The following AP2A1 variants were observed in gnomAD, a reference collection of about 807,000 sequenced individuals.
AP2A1 encodes the protein adaptor related protein complex 2 subunit alpha 1, also known as AP-2 complex subunit alpha-1.
Under a neutral mutation model 107.3 loss-of-function variants are expected in AP2A1, and 21 were observed. The ratio of observed to expected loss-of-function variants is 0.20; its 90% CI spans 0.14 to 0.28. AP2A1 has a LOEUF of 0.28. Among genes scored for constraint, AP2A1 ranks in the 10% least tolerant of loss-of-function variants. AP2A1 has a pLI of 1.00. For synonymous variants in AP2A1, 602 were observed against 564.8 expected, an observed-to-expected ratio of 1.07 and a Z score of -0.93; for missense variants, 873 against 1,307.7, an observed-to-expected ratio of 0.67 and a Z score of 5.13.
In AP2A1 at chr19:49,805,671, G is replaced by GC. The variant is rs1555794627; in HGVS notation, c.2485dup (p.Gln829ProfsTer55). ...CTTTCACCTCATCAGGTACGGTGGC[G>GC]CCCCCCAGGCCCTCACCCTGAAGCT... On this transcript the variant is annotated frameshift_variant, in exon 20 of 23. Transcript: ENST00000354293. LOFTEE classifies it high-confidence loss of function. 1 of 1,561,560 alleles carries GC rather than the reference G, an allele frequency of 6.4e-7. No individual in the cohort carries two copies.
At chr19:49,782,756 G>A in intron 4 of AP2A1, 32 bp downstream of exon 4, 1 of 1,558,752 alleles carries the variant, frequency 6.4e-7, no homozygotes, top group Non-Finnish European at 8.6e-7. Flanking sequence ...GGCAGTGGGG[G>A]GCCTGGGGGT....
chr19:49,778,578 C>T lies in AP2A1; in HGVS notation c.68-3179C>T, dbSNP rs764530449. Among the ~76,000 whole-genome samples the T allele has an allele frequency of 7.9e-5, 12 of 151,974 alleles. No individual in the cohort carries two copies. In the South Asian group the frequency reaches 8.3e-4, roughly 11 times the overall value. ...AGCCTGGGCGACAAGAGTGAAACTG[C>T]GTCTCAAGATAAAACAAAAAAACCT... On this transcript the variant is annotated intron_variant, in intron 1 of 22. Coordinates refer to ENST00000354293, the MANE Select transcript of AP2A1 (RefSeq NM_130787.3).
At position 49,800,003 on chromosome 19, in the gene AP2A1, C is replaced by G; in HGVS notation, c.1308C>G (p.Ala436=). ...LKVAILAEKY[A]VDYSWYVDTI... ...TGGCCATCCTGGCCGAGAAGTACGC[C>G]GTGGACTACAGCTGGTACGTGGACA... The change falls in exon 11 of 23, where the codon GCC becomes GCG. Residue 436 remains alanine (A), a synonymous_variant. Transcript: ENST00000354293. 6.2e-7 allele frequency: 1 copy of G among 1,613,994 alleles called. No individual in the cohort carries two copies. The highest frequency in any genetic ancestry group is 1.1e-5 in the South Asian group (1 of 91,090).
intron 1 of AP2A1, among the ~76,000 whole-genome samples, chr19:49,780,293 A>C (rs540478673): frequency 4.6e-5 from 7 of 152,246 alleles, no homozygotes; most frequent in Non-Finnish European, 1.0e-4. Flanking sequence ...TTTAAGCAGA[A>C]TAATAAAGAA....
Position 49,806,240 on chromosome 19 carries a change from A to G in AP2A1, c.2777A>G (p.Asn926Ser), listed in dbSNP as rs1344990885. 2 of 1,607,536 alleles carry G rather than the reference A, an allele frequency of 1.2e-6. No homozygotes were observed. The highest frequency in any genetic ancestry group is 1.7e-6 in the Non-Finnish European group (2 of 1,177,492). The change falls in exon 22 of 23, where the codon AAT becomes AGT. Residue 926 changes from asparagine (N) to serine (S), a missense_variant. Asn to Ser is a conservative substitution (Grantham distance 46). Transcript: ENST00000354293. ...QVGCLLRLEP[N>S]AQAQMYRLTL... The stretch of plus-strand genomic sequence containing the variant: ...GGCTGTCTGCTTCGGCTGGAGCCCA[A>G]TGCCCAGGCCCAGGTGAGTGCTGCT...
chr19:49,806,991 G>C lies in AP2A1; in HGVS notation c.*233G>C, dbSNP rs892935956. ...TCCCTTTCCCCCCCAAGCACAGAGG[G>C]GAGAGGGGCCAGGGAAGTGGATGTC... On this transcript the variant is annotated 3_prime_UTR_variant, in exon 23 of 23. Coordinates refer to ENST00000354293, the MANE Select transcript of AP2A1 (RefSeq NM_130787.3). 2.7e-5 allele frequency: 42 copies of C among 1,528,558 alleles called. No homozygotes were observed. Among genetic ancestry groups the C allele is most frequent in the Non-Finnish European group, 3.5e-5 (40 of 1,143,326 alleles). The allele number at this position is 1,528,558 out of a possible 1,614,324, so 94.7% of individuals were successfully genotyped here. A position where few individuals can be genotyped will look rare whatever the true frequency, so the allele number is the denominator to read the frequency against.
chr19:49,802,208 T>A, intron 15 of AP2A1, 67 bp downstream of exon 15: 1 of 1,297,952 alleles, frequency 7.7e-7, no homozygotes, highest in East Asian at 2.5e-5. Context: ...TCGGCCTCTG[T>A]CCCCGTTTTC....
chr19:49,771,014 G>C (rs931284448), intron 1 of AP2A1, among the ~76,000 whole-genome samples: 4 of 151,986 alleles, frequency 2.6e-5, no homozygotes, highest in African/African-American at 9.7e-5. Context: ...ACCACACCTG[G>C]CTAATTTTTG....
intron 4 of AP2A1, among the ~76,000 whole-genome samples, chr19:49,791,025 C>T (rs1006144878): frequency 3.3e-5 from 5 of 152,208 alleles, no homozygotes; most frequent in Non-Finnish European, 5.9e-5. Context: ...GGGTCTGGCT[C>T]TCTGTTCCCT....
chr19:49,781,651 G>A (rs1041890246), intron 1 of AP2A1, 106 bp from the exon 2 acceptor site: 26 of 1,173,708 alleles, frequency 2.2e-5, no homozygotes, highest in African/African-American at 6.1e-5. Flanking sequence ...GCTTGGGGGC[G>A]GAGAAGATCT....
At position 49,767,046 on chromosome 19, in the gene AP2A1, TG is replaced by T; in HGVS notation, c.-84del. 7.2e-7 allele frequency: 1 copy of T among 1,387,790 alleles called. No individual in the cohort carries two copies. The highest frequency in any genetic ancestry group is 9.6e-7 in the Non-Finnish European group (1 of 1,038,058). The allele number at this position is 1,387,790 out of a possible 1,614,324, so 86.0% of individuals were successfully genotyped here. On this transcript the variant is annotated 5_prime_UTR_variant, in exon 1 of 23. Transcript: ENST00000354293. Reference sequence around the variant, plus strand: ...GCCGGCTCGGCTCCTTGGCGCTGCCTGGGGTCCTTTCCGCCCGGTCCCCGCT... The same window carrying T: ...GCCGGCTCGGCTCCTTGGCGCTGCCTGGGTCCTTTCCGCCCGGTCCCCGCT...
chr19:49,784,150 G>A (rs944047396), intron 4 of AP2A1, among the ~76,000 whole-genome samples: 3 of 152,218 alleles, frequency 2.0e-5, no homozygotes, highest in Non-Finnish European at 4.4e-5. Flanking sequence ...ACAGAAGGCC[G>A]GGCGTGGTGC....
intron 7 of AP2A1, 91 bp downstream of exon 7, chr19:49,795,829 G>A (rs1301185666): frequency 4.5e-5 from 45 of 1,007,022 alleles, no homozygotes; most frequent in Non-Finnish European, 6.1e-5. Context: ...TGGGACTGGA[G>A]GGTCTGGGTC....
chr19:49,805,835 C>A (rs757744457), intron 20 of AP2A1, 37 bp from the exon 21 acceptor site: 3 of 1,612,982 alleles, frequency 1.9e-6, no homozygotes, highest in South Asian at 1.1e-5. Flanking sequence ...CGGGTCGGGC[C>A]GTCCAGGTCC....
chr19:49,782,428 G>C, intron 3 of AP2A1, 103 bp from the exon 4 acceptor site: 1 of 1,305,548 alleles, frequency 7.7e-7, no homozygotes, highest in Non-Finnish European at 1.0e-6. Flanking sequence ...TGGACTCCTG[G>C]GTCTGAGGTT....
intron 18 of AP2A1, chr19:49,803,770 G>A (rs145999354): frequency 8.7e-4 from 271 of 312,004 alleles, no homozygotes; most frequent in African/African-American, 5.5e-3. Flanking sequence ...TGCCTCTCTG[G>A]GCTCTCCTGT....
intron 4 of AP2A1, among the ~76,000 whole-genome samples, chr19:49,784,925 G>T (rs1328582990): frequency 1.3e-5 from 2 of 152,124 alleles, no homozygotes; most frequent in East Asian, 3.8e-4. Flanking sequence ...TAAAAATTAG[G>T]TGTCTGAATT....
At chr19:49,792,493 C>T (rs1427042515) in intron 5 of AP2A1, among the ~76,000 whole-genome samples, 3 of 151,956 alleles carry the variant, frequency 2.0e-5, no homozygotes, top group Admixed American at 6.5e-5. Flanking sequence ...CCAGTGTCCC[C>T]GGTACTCATT....
Position 49,801,507 on chromosome 19 carries a change from C to G in AP2A1, c.1671C>G (p.Ala557=). Residue 557 remains alanine, a synonymous_variant, in exon 13 of 23, where the codon GCC becomes GCG. Coordinates refer to ENST00000354293, the MANE Select transcript of AP2A1 (RefSeq NM_130787.3). ...KFINLFPETK[A]TIQGVLRAGS... ...TCAACCTCTTCCCCGAGACCAAGGCCACCATCCAGGGCGTCCTGCGGGCCG... is the reference window on the plus strand; with the variant it reads ...TCAACCTCTTCCCCGAGACCAAGGCGACCATCCAGGGCGTCCTGCGGGCCG... The G allele has an allele frequency of 6.2e-7, 1 of 1,613,788 alleles. No individual in the cohort carries two copies. The highest frequency in any genetic ancestry group is 8.5e-7 in the Non-Finnish European group (1 of 1,179,846).
Sources: gnomAD v4.1 joint callset for allele counts (sites outside exome capture counted in the v4.1 genomes callset) on GRCh38, gnomAD v4.1.1 for gene constraint, MANE v1.5 for transcripts, NCBI Gene and HGNC (gene_info 2026-07-23, HGNC 2026-07-21) for gene names.